Variants in IFRD1 observed in about 807,000 individuals in gnomAD.
IFRD1 encodes the protein interferon-related developmental regulator 1.
In IFRD1, 35 loss-of-function variants were observed where a neutral mutation model predicts 52.9. The observed-to-expected ratio is 0.66, with a 90% CI of 0.51 to 0.88. The LOEUF (loss-of-function observed/expected upper bound fraction) is 0.88. Among genes scored for constraint, IFRD1 ranks in the 40% least tolerant of loss-of-function variants. The pLI is 0.00. For synonymous variants in IFRD1, 184 were observed against 188.4 expected, an observed-to-expected ratio of 0.98 and a Z score of 0.19; for missense variants, 517 against 550.8, an observed-to-expected ratio of 0.94 and a Z score of 0.61.
chr7:112,472,339 C>T lies in IFRD1; in HGVS notation c.1162C>T (p.His388Tyr). Residue 388 changes from histidine (H) to tyrosine (Y), a missense_variant, in exon 10 of 12, where the codon CAC becomes TAC. His to Tyr is a moderately conservative substitution (Grantham distance 83). Coordinates refer to ENST00000403825, the MANE Select transcript of IFRD1 (RefSeq NM_001550.4). ...KEVLGSGMQY[H>Y]LQSNEFLRNV... ...GGTTCTTGGATCAGGGATGCAGTAC[C>T]ACTTGCAGGTAAGTGTCATCCTTTC... 1 of 1,613,974 alleles carries T rather than the reference C, an allele frequency of 6.2e-7. No homozygotes were observed. The highest frequency in any genetic ancestry group is 2.2e-5 in the East Asian group (1 of 44,858).
chr7:112,456,162 C>T (rs780289265), intron 3 of IFRD1, 76 bp downstream of exon 3: 6 of 844,326 alleles, frequency 7.1e-6, no homozygotes, highest in Non-Finnish European at 1.0e-5. Context: ...AATGATTATT[C>T]TGTGTGATTC....
intron 10 of IFRD1, 126 bp downstream of exon 10, chr7:112,472,473 C>T: frequency 2.8e-6 from 3 of 1,074,568 alleles, no homozygotes; most frequent in South Asian, 1.3e-5. Context: ...AAACAGTAAA[C>T]TTGTTTTTGA....
At chr7:112,451,072 G>A in intron 1 of IFRD1, 1 of 423,740 alleles carries the variant, frequency 2.4e-6, no homozygotes, top group African/African-American at 2.0e-5. Context: ...GGAGCTGGGC[G>A]GGAAAGGAAC....
chr7:112,435,550 T>A (rs1794655519), intron 1 of IFRD1: 1 of 151,838 alleles, frequency 6.6e-6, no homozygotes, highest in Admixed American at 6.6e-5. Flanking sequence ...ATTATTTCAC[T>A]GGAGAATTTG....
intron 1 of IFRD1, among the ~76,000 whole-genome samples, chr7:112,424,723 A>G (rs1233229438): frequency 6.6e-6 from 1 of 152,108 alleles, no homozygotes; most frequent in African/African-American, 2.4e-5. Context: ...CCTGTTTCAA[A>G]AAATTTTTTA....
intron 9 of IFRD1, among the ~76,000 whole-genome samples, chr7:112,471,973 G>A (rs773456555): frequency 1.3e-5 from 2 of 152,150 alleles, no homozygotes; most frequent in South Asian, 4.1e-4. Flanking sequence ...TCTCAACAAT[G>A]TGGTTTTTGC....
Position 112,427,238 on chromosome 7 carries a change from G to C in IFRD1, c.-182+3806G>C, listed in dbSNP as rs868768029. ...TAATGACATTAATCAATTTATTAGG[G>C]CAGAGCCCTCATGACCTAAACACCT... is the stretch of plus-strand genomic sequence containing the variant. On this transcript the variant is annotated intron_variant, in intron 1 of 12. Transcript: ENST00000005558. 2.6e-5 allele frequency among the ~76,000 whole-genome samples: 4 copies of C among 152,296 alleles called. No individual in the cohort carries two copies. The South Asian group carries it at 8.3e-4, about 32-fold the overall frequency.
intron 10 of IFRD1, 44 bp downstream of exon 10, chr7:112,472,391 C>T: frequency 6.2e-7 from 1 of 1,608,892 alleles, no homozygotes; most frequent in Non-Finnish European, 8.5e-7. Flanking sequence ...AAGTAGGGAG[C>T]AGTCTTGAAT....
At chr7:112,444,122 T>C (rs1047632282) in intron 1 of IFRD1, among the ~76,000 whole-genome samples, 1 of 152,242 alleles carries the variant, frequency 6.6e-6, no homozygotes, top group Non-Finnish European at 1.5e-5. Context: ...CTATCCTAGT[T>C]TGGCTGTGTG....
intron 3 of IFRD1, 65 bp from the exon 4 acceptor site, chr7:112,456,849 T>C: frequency 6.6e-7 from 1 of 1,514,316 alleles, no homozygotes; most frequent in South Asian, 1.1e-5. Context: ...GAAATAAGAT[T>C]TTAAAAAGTT....
intron 1 of IFRD1, among the ~76,000 whole-genome samples, chr7:112,432,886 T>C (rs1794577361): frequency 6.6e-6 from 1 of 152,180 alleles, no homozygotes; most frequent in South Asian, 2.1e-4. Context: ...GAGGGATTAT[T>C]TTAGTCTAAG....
chr7:112,456,622 A>C (rs907669417), intron 3 of IFRD1, among the ~76,000 whole-genome samples: 1 of 152,210 alleles, frequency 6.6e-6, no homozygotes, highest in Non-Finnish European at 1.5e-5. Context: ...AAAACAATAC[A>C]TTAAAACTAT....
chr7:112,458,260 TA>T (rs2117300348), intron 4 of IFRD1: 1 of 152,612 alleles, frequency 6.6e-6, no homozygotes, highest in South Asian at 2.0e-4. Flanking sequence ...TACCTTTATA[TA>T]AATGTATTTT....
rs1357158996 is a variant in IFRD1, at chr7:112,472,244, T to A, written c.1067T>A (p.Ile356Asn). Reference sequence around the variant, plus strand: ...GAACGGGATTTTCCAACAGAAACCATTAAATTTGGTCCTGAACGCATGTAT... The same window carrying A: ...GAACGGGATTTTCCAACAGAAACCAATAAATTTGGTCCTGAACGCATGTAT... ...VEERDFPTETIKFGPERMYID... is the reference protein window; with the variant it reads ...VEERDFPTETNKFGPERMYID... Residue 356 changes from isoleucine (I) to asparagine (N), a missense_variant, in exon 10 of 12, where the codon ATT becomes AAT. Coordinates refer to ENST00000403825, the MANE Select transcript of IFRD1 (RefSeq NM_001550.4). The A allele has an allele frequency of 6.2e-7, 1 of 1,614,052 alleles. No individual in the cohort carries two copies. Among genetic ancestry groups the A allele is most frequent in the East Asian group, 2.2e-5 (1 of 44,860 alleles).
intron 11 of IFRD1, among the ~76,000 whole-genome samples, chr7:112,473,117 A>C (rs1049352000): frequency 6.6e-6 from 1 of 152,048 alleles, no homozygotes; most frequent in Admixed American, 6.6e-5. Flanking sequence ...CTCAAAAGCA[A>C]AACAGAGAAA....
intron 1 of IFRD1, among the ~76,000 whole-genome samples, chr7:112,431,724 A>AG (rs1390351367): frequency 6.6e-6 from 1 of 152,232 alleles, no homozygotes; most frequent in Non-Finnish European, 1.5e-5. Flanking sequence ...GAGTGGAAGC[A>AG]GAAATGTCAC....
At chr7:112,462,936 T>C (rs1795480800) in intron 8 of IFRD1, among the ~76,000 whole-genome samples, 1 of 152,202 alleles carries the variant, frequency 6.6e-6, no homozygotes, top group Non-Finnish European at 1.5e-5. Context: ...TTGTGATAGT[T>C]TGATCAGTCG....
chr7:112,457,304 G>A (rs947386256), intron 4 of IFRD1: 1 of 567,908 alleles, frequency 1.8e-6, no homozygotes, highest in African/African-American at 1.9e-5. Context: ...AGAGGTGATG[G>A]TCATTCTCTT....
intron 8 of IFRD1, 22 bp downstream of exon 8, chr7:112,462,400 G>GA: frequency 6.6e-7 from 1 of 1,512,664 alleles, no homozygotes; most frequent in South Asian, 1.1e-5. Flanking sequence ...ACTGGCAGAG[G>GA]AAAAAGCTTG....
Sources: allele counts gnomAD v4.1 joint callset (sites outside exome capture counted in the v4.1 genomes callset), GRCh38; gene constraint gnomAD v4.1.1; transcripts MANE v1.5; gene names NCBI Gene and HGNC (gene_info 2026-07-23, HGNC 2026-07-21).